The following ZNF273 variants were observed in gnomAD, a reference collection of about 807,000 sequenced individuals.
ZNF273 encodes the protein zinc finger protein 9.
A neutral mutation model predicts 14.9 loss-of-function variants in ZNF273; 11 were observed. That is an observed-to-expected ratio of 0.74 (90% confidence interval 0.46 to 1.22). ZNF273 has a LOEUF of 1.22. Ranked by LOEUF, ZNF273 falls within the 50% of genes most tolerant of loss-of-function variation. The pLI, the probability that ZNF273 is intolerant of heterozygous loss-of-function variation, is 0.00. For synonymous variants in ZNF273, 199 were observed against 223.9 expected (o/e 0.89, Z 0.99); for missense variants, 577 against 660.6 (o/e 0.87, Z 1.39).
downstream of ZNF273, chr7:64,890,200 G>GTA (rs2129041872): frequency 2.2e-5 from 1 of 45,022 alleles, no homozygotes; most frequent in Non-Finnish European, 5.0e-5. Context: ...GTGTGTGTGT[G>GTA]TGTGTGTGTG....
intron 3 of ZNF273, among the ~76,000 whole-genome samples, chr7:64,922,373 G>C (rs1366975134): frequency 6.6e-6 from 1 of 151,468 alleles, no homozygotes; most frequent in Non-Finnish European, 1.5e-5. Flanking sequence ...CTGTCACCCA[G>C]ACTGGAGTGC....
At chr7:64,879,354 G>C (rs562196148) in intron 2 of ZNF273, 1 of 152,178 alleles carries the variant, frequency 6.6e-6, no homozygotes, top group Non-Finnish European at 1.5e-5. Flanking sequence ...ACTCTAACAC[G>C]GGCCCTCTGG....
chr7:64,889,178 G>A, downstream of ZNF273: 1 of 985,894 alleles, frequency 1.0e-6, no homozygotes, highest in Non-Finnish European at 1.2e-6. The surrounding 1 kb of genome is among the most constrained non-coding windows in gnomAD (Gnocchi z 4.2). Flanking sequence ...CTTGCTGGCG[G>A]CGGCAGCCCC....
chr7:64,916,560 A>C (rs1794014372), intron 1 of ZNF273, among the ~76,000 whole-genome samples: 1 of 147,464 alleles, frequency 6.8e-6, no homozygotes, highest in South Asian at 2.1e-4. Context: ...AAAAAAAAAA[A>C]AAAAACCATA....
At chr7:64,886,513 C>T (rs1009388654) in intron 1 of ZNF273, among the ~76,000 whole-genome samples, 1 of 152,188 alleles carries the variant, frequency 6.6e-6, no homozygotes, top group South Asian at 2.1e-4. Flanking sequence ...TTACTGGGCA[C>T]CTGGTGCAGG....
chr7:64,916,370 TA>T lies in ZNF273; in HGVS notation c.103-1192del, dbSNP rs71061327. ...TGAAACCCCATCTCTACTAAAAATG[TA>T]AAAAAAAAAAAAAAAAAATTAGCTG... On this transcript the variant is annotated intron_variant, in intron 1 of 3. Transcript: ENST00000476120. Among the ~76,000 whole-genome samples, 304 of 122,878 alleles carry T rather than the reference TA, an allele frequency of 2.5e-3. 1 individual carries two copies. The highest frequency in any genetic ancestry group is 0.021 in the East Asian group (91 of 4,414). The allele number at this position is 122,878 out of a possible 152,430, so 80.6% of individuals were successfully genotyped here. A position where few individuals can be genotyped will look rare whatever the true frequency, so the allele number is the denominator to read the frequency against.
Position 64,930,667 on chromosome 7 carries a change from C to T in ZNF273, c.*1629C>T, listed in dbSNP as rs1218804324. 3 of 151,994 alleles carry T rather than the reference C, an allele frequency of 2.0e-5. No homozygotes were observed. Among genetic ancestry groups the T allele is most frequent in the African/African-American group, 7.3e-5 (3 of 41,376 alleles). 9.4% of individuals were successfully genotyped at this position (151,994 alleles called of 1,614,324 possible). A position where few individuals can be genotyped will look rare whatever the true frequency, so the allele number is the denominator to read the frequency against. Reference sequence around the variant, plus strand: ...CTAACATTTTTAGTAATCTCTTTTGCCAGTGGCTTTAAACTGCAGATAAGT... The same window carrying T: ...CTAACATTTTTAGTAATCTCTTTTGTCAGTGGCTTTAAACTGCAGATAAGT... On this transcript the variant is annotated 3_prime_UTR_variant, in exon 4 of 4. Transcript: ENST00000476120.
chr7:64,919,158 T>C (rs1175769045), intron 3 of ZNF273, among the ~76,000 whole-genome samples: 3 of 152,216 alleles, frequency 2.0e-5, no homozygotes, highest in Non-Finnish European at 4.4e-5. Flanking sequence ...AAATTTATTG[T>C]AGTTTCATGT....
intron 3 of ZNF273, among the ~76,000 whole-genome samples, chr7:64,921,712 G>A (rs550293000): frequency 2.3e-5 from 3 of 130,280 alleles, no homozygotes; most frequent in Admixed American, 9.3e-5. Flanking sequence ...TGCAATCTCC[G>A]CCTCCCAGGT....
At chr7:64,901,088 T>C (rs1359194440), upstream of ZNF273, among the ~76,000 whole-genome samples, 1 of 151,964 alleles carries the variant, frequency 6.6e-6, no homozygotes, top group South Asian at 2.1e-4. Flanking sequence ...TTGCAGCCTC[T>C]GCCTCCTGAG....
intron 3 of ZNF273, among the ~76,000 whole-genome samples, chr7:64,926,604 T>G (rs1243541907): frequency 6.6e-6 from 1 of 152,192 alleles, no homozygotes; most frequent in Non-Finnish European, 1.5e-5. Flanking sequence ...TCAGAAAATT[T>G]TATAATGTTT....
Position 64,930,970 on chromosome 7 carries a change from C to A in ZNF273, c.*1932C>A, listed in dbSNP as rs961428016. 6.6e-6 allele frequency: 1 copy of A among 152,072 alleles called. No homozygotes were observed. The highest frequency in any genetic ancestry group is 2.4e-5 in the African/African-American group (1 of 41,438). 9.4% of individuals were successfully genotyped at this position (152,072 alleles called of 1,614,324 possible). On this transcript the variant is annotated 3_prime_UTR_variant, in exon 4 of 4. Coordinates refer to ENST00000476120, the MANE Select transcript of ZNF273 (RefSeq NM_021148.3). ...AAGTATGAATAAAATACATACATTT[C>A]TGAGTCCTGAATATTTTTAAAAATT...
At chr7:64,924,802 A>G (rs1452497052) in intron 3 of ZNF273, among the ~76,000 whole-genome samples, 1 of 137,912 alleles carries the variant, frequency 7.3e-6, no homozygotes, top group Non-Finnish European at 1.6e-5. Flanking sequence ...GGATTTTTCA[A>G]ATTTTTTTTT....
chr7:64,916,083 C>T (rs1793958971), intron 1 of ZNF273, among the ~76,000 whole-genome samples: 1 of 151,892 alleles, frequency 6.6e-6, no homozygotes, highest in African/African-American at 2.4e-5. Flanking sequence ...GTAGTCCCAG[C>T]TACTAGGGAG....
At chr7:64,912,808 G>T in intron 1 of ZNF273, among the ~76,000 whole-genome samples, 1 of 68,206 alleles carries the variant, frequency 1.5e-5, no homozygotes, top group Non-Finnish European at 3.5e-5. Flanking sequence ...TTTTCTTTTT[G>T]ACTCAGGATT....
chr7:64,889,406 A>C (rs963366562), downstream of ZNF273: 2 of 983,720 alleles, frequency 2.0e-6, no homozygotes, highest in Non-Finnish European at 2.4e-6. The surrounding 1 kb of genome is among the most constrained non-coding windows in gnomAD (Gnocchi z 4.2). Flanking sequence ...CCTGCGGGTG[A>C]CCAGGAGCGC....
intron 1 of ZNF273, among the ~76,000 whole-genome samples, chr7:64,917,341 T>C (rs6944223): frequency 1.3e-5 from 2 of 152,218 alleles, no homozygotes; most frequent in African/African-American, 4.8e-5. Flanking sequence ...TTTTATACTT[T>C]ATTATCTAGA....
intron 3 of ZNF273, among the ~76,000 whole-genome samples, chr7:64,921,627 T>TTTTTTTG (rs1794459683): frequency 2.5e-5 from 1 of 39,504 alleles, no homozygotes; most frequent in Non-Finnish European, 5.8e-5. Context: ...TTTTTTTTTT[T>TTTTTTTG]TTTTTTTTTT....
rs982315107 is a variant in ZNF273 at position 64,930,229 on chromosome 7, G to A, written c.*1191G>A. 1 of 151,136 alleles carries A rather than the reference G, an allele frequency of 6.6e-6. No individual in the cohort carries two copies. The highest frequency in any genetic ancestry group is 1.9e-4 in the East Asian group (1 of 5,178). 9.4% of individuals were successfully genotyped at this position (151,136 alleles called of 1,614,324 possible). On this transcript the variant is annotated 3_prime_UTR_variant, in exon 4 of 4. Coordinates refer to ENST00000476120, the MANE Select transcript of ZNF273 (RefSeq NM_021148.3). ...CATGTGATCAACTTGCTGCATCAAA[G>A]ATATGAGATTTTTTTTTTTATTAGG...
Sources: gnomAD v4.1 joint callset for allele counts (sites outside exome capture counted in the v4.1 genomes callset) on GRCh38, gnomAD v4.1.1 for gene constraint, Gnocchi (gnomAD v3.1) non-coding constraint, MANE v1.5 for transcripts, NCBI Gene and HGNC (gene_info 2026-07-23, HGNC 2026-07-21) for gene names.